Variants in SMC1A observed in about 807,000 individuals in gnomAD.
The protein encoded by SMC1A is structural maintenance of chromosomes protein 1A.
A neutral mutation model predicts 94.5 loss-of-function variants in SMC1A; 4 were observed. That is an observed-to-expected ratio of 0.04 (90% CI 0.02 to 0.10). The LOEUF (loss-of-function observed/expected upper bound fraction) is 0.10. Ranked by LOEUF, SMC1A falls within the 10% of genes least tolerant of loss-of-function variation. The pLI, the probability that SMC1A is intolerant of heterozygous loss-of-function variation, is 1.00. For missense variants in SMC1A, 304 were observed against 989.0 expected (o/e 0.31, Z 9.29); for synonymous variants, 345 against 347.7 (o/e 0.99, Z 0.09).
rs938877803 is a variant in SMC1A at position 53,378,753 on chromosome X, A to G, written c.*1350T>C. The G allele has an allele frequency of 8.9e-6, 1 of 112,807 alleles. No homozygotes were observed. The highest frequency in any genetic ancestry group is 1.9e-5 in the Non-Finnish European group (1 of 53,370). The allele number at this position is 112,807 out of a possible 1,213,427, so 9.3% of individuals were successfully genotyped here. A position where few individuals can be genotyped will look rare whatever the true frequency, so the allele number is the denominator to read the frequency against. ...ATGTGAATGAGTAAAGGCTGAGCTC[A>G]TCGCACCCGGCTTTGCTGCCTCTGC... On this transcript the variant is annotated 3_prime_UTR_variant, in exon 25 of 25. Transcript: ENST00000322213.
At chrX:53,380,226 G>C in intron 24 of SMC1A, 40 bp from the exon 25 acceptor site, 1 of 1,054,421 alleles carries the variant, frequency 9.5e-7, no homozygotes, top group East Asian at 3.0e-5. Context: ...AAATTGTAAG[G>C]AGAGAATTAA....
At chrX:53,383,503 C>T (rs1369972507) in intron 19 of SMC1A, among the ~76,000 whole-genome samples, 1 of 112,307 alleles carries the variant, frequency 8.9e-6, no homozygotes, top group African/African-American at 3.2e-5. Context: ...CCCCCAGGCC[C>T]TGCCAACCGC....
intron 1 of SMC1A, among the ~76,000 whole-genome samples, chrX:53,415,907 T>C (rs1556891230): frequency 9.6e-6 from 1 of 103,729 alleles, no homozygotes; most frequent in African/African-American, 3.5e-5. Context: ...TCTAAAGAAA[T>C]GGTATATTCA....
At chrX:53,414,910 T>G (rs985123988) in intron 2 of SMC1A, 40 bp from the exon 3 acceptor site, 6 of 1,187,202 alleles carry the variant, frequency 5.1e-6, no homozygotes, top group Non-Finnish European at 6.9e-6. Context: ...TCAGGCCTCC[T>G]TCCTGTCCCA....
intron 18 of SMC1A, among the ~76,000 whole-genome samples, chrX:53,395,784 C>T (rs1294937572): frequency 1.8e-5 from 2 of 110,938 alleles, no homozygotes; most frequent in East Asian, 5.6e-4. Context: ...CCTTACCTAA[C>T]CCTCTCCTGG....
intron 1 of SMC1A, among the ~76,000 whole-genome samples, chrX:53,419,527 C>CAA (rs1248197053): frequency 3.3e-5 from 3 of 90,741 alleles, no homozygotes; most frequent in Non-Finnish European, 4.4e-5. Context: ...ACCCTGACTC[C>CAA]AAAAAAAAAA....
intron 16 of SMC1A, among the ~76,000 whole-genome samples, chrX:53,397,107 T>C (rs2075654261): frequency 9.0e-6 from 1 of 110,771 alleles, no homozygotes; most frequent in Non-Finnish European, 1.9e-5. Context: ...GCATTTTCTA[T>C]GAATACACAT....
chrX:53,409,340 G>A lies in SMC1A; in HGVS notation c.1338-71C>T. On this transcript the variant is annotated intron_variant, in intron 8 of 24. Transcript: ENST00000322213. ...TACTCCTGGCTCAGAGAGCTCTGGG[G>A]GTCCTGCATGAAGAGGGGCATGTAG... 2 of 1,153,601 alleles carry A rather than the reference G, an allele frequency of 1.7e-6. 1 individual carries two copies. Among genetic ancestry groups the A allele is most frequent in the Middle Eastern group, 4.7e-4 (2 of 4,222 alleles).
In SMC1A at chrX:53,399,515, C is replaced by G. The variant is rs1602407371; in HGVS notation, c.2562+74G>C. 1.1e-5 allele frequency: 11 copies of G among 1,006,086 alleles called. No homozygotes were observed. In the Admixed American group the frequency reaches 2.4e-4, roughly 22 times the overall value. The allele number at this position is 1,006,086 out of a possible 1,213,427, so 82.9% of individuals were successfully genotyped here. A position where few individuals can be genotyped will look rare whatever the true frequency, so the allele number is the denominator to read the frequency against. On this transcript the variant is annotated intron_variant, in intron 16 of 24. Coordinates refer to ENST00000322213, the MANE Select transcript of SMC1A (RefSeq NM_006306.4). ...GAAATTTCTAAGTTGTGGACATTAT[C>G]CTTCTGTCTGTCGTATTTCTTCCCA...
intron 1 of SMC1A, among the ~76,000 whole-genome samples, chrX:53,416,327 AAATAAT>A (rs1181594063): frequency 2.6e-4 from 28 of 106,329 alleles, no homozygotes; most frequent in Middle Eastern, 4.8e-3. Context: ...AAATAAAATA[AAATAAT>A]AATAATAATA....
At chrX:53,408,702 G>A (rs111533725) in intron 9 of SMC1A, among the ~76,000 whole-genome samples, 1 of 110,163 alleles carries the variant, frequency 9.1e-6, no homozygotes, top group Non-Finnish European at 1.9e-5. Flanking sequence ...CAGCCCCATG[G>A]CCCCACCTGC....
intron 1 of SMC1A, among the ~76,000 whole-genome samples, chrX:53,415,831 T>TAA (rs199945802): frequency 1.2e-5 from 1 of 85,620 alleles, no homozygotes; most frequent in Non-Finnish European, 2.2e-5. Flanking sequence ...AGACTCTCTT[T>TAA]AAAAAAATAG....
chrX:53,405,972 A>T lies in SMC1A; in HGVS notation c.1546-16T>A. 2 of 1,204,205 alleles carry T rather than the reference A, an allele frequency of 1.7e-6. No homozygotes were observed. Among genetic ancestry groups the T allele is most frequent in the Non-Finnish European group, 2.3e-6 (2 of 888,566 alleles). On this transcript the variant is annotated splice_polypyrimidine_tract_variant and intron_variant, in intron 9 of 24. Coordinates refer to ENST00000322213, the MANE Select transcript of SMC1A (RefSeq NM_006306.4). ...GGCGGCCGTACTGAGTAAAGTAGGA[A>T]GGGAAAACTGAAGTATGAAGCTTTT...
chrX:53,416,467 C>CACA (rs1556891322), intron 1 of SMC1A, among the ~76,000 whole-genome samples: 1 of 105,839 alleles, frequency 9.4e-6, no homozygotes, highest in Non-Finnish European at 1.9e-5. Context: ...CTCAGCTCAC[C>CACA]ACAACCTCCG....
At chrX:53,395,000 C>A (rs2075645803) in intron 18 of SMC1A, 112 bp from the exon 19 acceptor site, 1 of 529,942 alleles carries the variant, frequency 1.9e-6, no homozygotes, top group Non-Finnish European at 3.4e-6. Context: ...TAGAAAGCAC[C>A]ATGGCAGAAG....
chrX:53,383,025 G>A, intron 20 of SMC1A, 72 bp downstream of exon 20: 1 of 1,004,934 alleles, frequency 1.0e-6, no homozygotes, highest in Non-Finnish European at 1.4e-6. Flanking sequence ...CTGCTGTGAT[G>A]TATAGCAGGC....
At chrX:53,396,188 T>C (rs1556887966) in intron 18 of SMC1A, 39 bp downstream of exon 18, 18 of 1,193,226 alleles carry the variant, frequency 1.5e-5, no homozygotes, top group Non-Finnish European at 2.0e-5. Flanking sequence ...TGGTTAATGA[T>C]GTTCATCGCC....
At chrX:53,422,166 G>A (rs2075761243) in intron 1 of SMC1A, 1 of 755,823 alleles carries the variant, frequency 1.3e-6, no homozygotes, top group Non-Finnish European at 1.9e-6. Flanking sequence ...GGAGCCGCGC[G>A]GCGGAGGACT....
chrX:53,380,306 A>T, intron 24 of SMC1A, 120 bp from the exon 25 acceptor site: 1 of 542,568 alleles, frequency 1.8e-6, no homozygotes, highest in East Asian at 3.5e-5. Flanking sequence ...AAGCCCAGTC[A>T]ATGGTTCTCT....
Sources: gnomAD v4.1 joint callset for allele counts (sites outside exome capture counted in the v4.1 genomes callset) on GRCh38, gnomAD v4.1.1 for gene constraint, MANE v1.5 for transcripts, NCBI Gene and HGNC (gene_info 2026-07-23, HGNC 2026-07-21) for gene names.